PDE7B: variants seen among roughly 807,000 people sequenced by gnomAD.
PDE7B encodes the protein phosphodiesterase 7B.
A neutral mutation model predicts 56.2 loss-of-function variants in PDE7B; 29 were observed. The observed-to-expected ratio is 0.52, with a 90% CI of 0.38 to 0.70. The LOEUF is 0.70. Among genes scored for constraint, PDE7B ranks in the 30% least tolerant of loss-of-function variants. PDE7B has a pLI of 0.00. For missense variants in PDE7B, 490 were observed against 565.0 expected (o/e 0.87, Z 1.35); for synonymous variants, 197 against 196.9 (o/e 1.00, Z 0.00).
chr6:135,882,563 T>C (rs1461648611), intron 1 of PDE7B, among the ~76,000 whole-genome samples: 1 of 152,182 alleles, frequency 6.6e-6, no homozygotes, highest in African/African-American at 2.4e-5. Context: ...ATACATACAC[T>C]TCACAGACTG....
chr6:136,127,178 C>A (rs1386026853), intron 3 of PDE7B, among the ~76,000 whole-genome samples: 1 of 152,090 alleles, frequency 6.6e-6, no homozygotes, highest in Non-Finnish European at 1.5e-5. Flanking sequence ...ACAGGACAAT[C>A]CTCTGTTGTG....
intron 2 of PDE7B, among the ~76,000 whole-genome samples, chr6:136,057,630 G>A (rs1165504282): frequency 6.6e-6 from 1 of 152,166 alleles, no homozygotes; most frequent in Admixed American, 6.5e-5. Flanking sequence ...TTTTTGAGTT[G>A]TCAATTATTC....
Position 135,956,837 on chromosome 6 carries a change from G to GAAGA in PDE7B, c.82+9327_82+9330dup, listed in dbSNP as rs370997257. Among the ~76,000 whole-genome samples, 64 of 150,166 alleles carry GAAGA rather than the reference G, an allele frequency of 4.3e-4. No homozygotes were observed. The Middle Eastern group carries it at 0.01, about 24-fold the overall frequency. On this transcript the variant is annotated intron_variant, in intron 2 of 12. Transcript: ENST00000308191. ...AGAGAGAAAGGAAAGAAAGAGAAAG[G>GAAGA]AAGAAAGAAAGAAAGAAGAAAAGAA...
intron 3 of PDE7B, among the ~76,000 whole-genome samples, chr6:136,138,985 ATACTTT>A (rs1056496171): frequency 6.6e-6 from 1 of 152,134 alleles, no homozygotes; most frequent in African/African-American, 2.4e-5. Context: ...GTTTTTTATT[ATACTTT>A]AAGTTTTAGG....
chr6:136,158,398 G>T (rs186098214), intron 8 of PDE7B, among the ~76,000 whole-genome samples: 2 of 152,168 alleles, frequency 1.3e-5, no homozygotes, highest in African/African-American at 2.4e-5. Context: ...TGCACATTTG[G>T]TCAACAAGAA....
At chr6:136,014,724 T>C (rs1272550821) in intron 2 of PDE7B, among the ~76,000 whole-genome samples, 1 of 152,196 alleles carries the variant, frequency 6.6e-6, no homozygotes, top group Admixed American at 6.5e-5. Context: ...TGAAAGTAGG[T>C]AGAGTAAAAA....
intron 9 of PDE7B, among the ~76,000 whole-genome samples, chr6:136,177,795 A>C (rs890062771): frequency 6.6e-6 from 1 of 152,234 alleles, no homozygotes. Context: ...ACTTCTGCAC[A>C]TGCGTAACTA....
At chr6:136,185,487 G>T (rs576099731) in intron 11 of PDE7B, among the ~76,000 whole-genome samples, 3 of 152,196 alleles carry the variant, frequency 2.0e-5, no homozygotes, top group African/African-American at 7.2e-5. Context: ...TGGGAGGAGG[G>T]CTCACACCTG....
At chr6:136,046,590 A>G (rs1038913960) in intron 2 of PDE7B, among the ~76,000 whole-genome samples, 5 of 152,190 alleles carry the variant, frequency 3.3e-5, no homozygotes, top group African/African-American at 4.8e-5. Context: ...AAGCAAATGT[A>G]TGTTCATGTG....
At chr6:136,138,972 G>T (rs1778264602) in intron 3 of PDE7B, among the ~76,000 whole-genome samples, 1 of 151,772 alleles carries the variant, frequency 6.6e-6, no homozygotes, top group East Asian at 1.9e-4. Context: ...GGATTTTTTT[G>T]TTGTTTTTTA....
At chr6:136,068,423 CTTTTTTTTTT>C (rs33992191) in intron 2 of PDE7B, among the ~76,000 whole-genome samples, 1 of 79,536 alleles carries the variant, frequency 1.3e-5, no homozygotes, top group South Asian at 4.5e-4. Context: ...ACCAAGATTC[CTTTTTTTTTT>C]TTTTTTTTTT....
intron 1 of PDE7B, among the ~76,000 whole-genome samples, chr6:135,909,124 T>G (rs1382158796): frequency 6.6e-6 from 1 of 152,114 alleles, no homozygotes; most frequent in Non-Finnish European, 1.5e-5. Flanking sequence ...TGTTTTGAAT[T>G]GTTGTGGGGC....
At chr6:136,055,249 G>A (rs1370912804) in intron 2 of PDE7B, among the ~76,000 whole-genome samples, 2 of 152,226 alleles carry the variant, frequency 1.3e-5, no homozygotes, top group Admixed American at 6.5e-5. Context: ...AGCAGAACAT[G>A]TTTTATGTGT....
chr6:136,135,305 C>A (rs1021393737), intron 3 of PDE7B, among the ~76,000 whole-genome samples: 5 of 151,590 alleles, frequency 3.3e-5, no homozygotes, highest in Non-Finnish European at 5.9e-5. Flanking sequence ...TTACTTTTTT[C>A]CTCTTTTTGG....
At chr6:135,976,785 C>G (rs1396301689) in intron 2 of PDE7B, among the ~76,000 whole-genome samples, 3 of 152,104 alleles carry the variant, frequency 2.0e-5, no homozygotes, top group Non-Finnish European at 4.4e-5. Context: ...ATGATAATAA[C>G]TTTGGGGATG....
chr6:135,928,289 G>C (rs781043414), intron 1 of PDE7B, among the ~76,000 whole-genome samples: 38 of 148,720 alleles, frequency 2.6e-4, no homozygotes, highest in Non-Finnish European at 4.9e-4. Context: ...TCACTACTGG[G>C]TATCTACACA....
intron 3 of PDE7B, among the ~76,000 whole-genome samples, chr6:136,126,798 G>C: frequency 6.6e-6 from 1 of 152,232 alleles, no homozygotes; most frequent in African/African-American, 2.4e-5. Context: ...CTGGGGACTC[G>C]GGGAAAGGAT....
At chr6:135,912,465 G>C (rs1373901532) in intron 1 of PDE7B, among the ~76,000 whole-genome samples, 1 of 152,100 alleles carries the variant, frequency 6.6e-6, no homozygotes, top group Non-Finnish European at 1.5e-5. Context: ...TTTTATATTA[G>C]GGACTTGAGC....
intron 2 of PDE7B, among the ~76,000 whole-genome samples, chr6:135,967,689 G>A (rs1253921666): frequency 1.3e-5 from 2 of 152,126 alleles, no homozygotes; most frequent in Admixed American, 1.3e-4. Flanking sequence ...TAAGAATGAG[G>A]GATGCTTAAT....
Sources: gnomAD v4.1 joint callset for allele counts (sites outside exome capture counted in the v4.1 genomes callset) on GRCh38, gnomAD v4.1.1 for gene constraint, MANE v1.5 for transcripts, NCBI Gene and HGNC (gene_info 2026-07-23, HGNC 2026-07-21) for gene names.